Variants in GULP1 observed in about 807,000 individuals in gnomAD.
GULP1 encodes the protein PTB domain-containing engulfment adapter protein 1.
In GULP1, 19 loss-of-function variants were observed where a neutral mutation model predicts 40.9. The ratio of observed to expected loss-of-function variants is 0.46; its 90% CI spans 0.32 to 0.68. The LOEUF is 0.68. Among genes scored for constraint, GULP1 ranks in the 30% least tolerant of loss-of-function variants. The pLI is 0.03. For missense variants in GULP1, 312 were observed against 362.2 expected (o/e 0.86, Z 1.12); for synonymous variants, 119 against 117.6 (o/e 1.01, Z -0.08).
intron 4 of GULP1, among the ~76,000 whole-genome samples, chr2:188,521,651 T>C (rs1032996587): frequency 6.6e-6 from 1 of 152,128 alleles, no homozygotes; most frequent in Non-Finnish European, 1.5e-5. Flanking sequence ...GACCCACTCT[T>C]GTGACTCAAT....
At chr2:188,579,273 A>G (rs1700793335) in intron 9 of GULP1, among the ~76,000 whole-genome samples, 1 of 152,166 alleles carries the variant, frequency 6.6e-6, no homozygotes, top group South Asian at 2.1e-4. Flanking sequence ...GCAGATATTC[A>G]ATACCACTCA....
chr2:188,378,993 G>A (rs1281104102), intron 1 of GULP1, among the ~76,000 whole-genome samples: 2 of 151,726 alleles, frequency 1.3e-5, no homozygotes, highest in Non-Finnish European at 2.9e-5. Context: ...TAAGTGTTTT[G>A]TTCATACACA....
At chr2:188,560,183 A>G (rs1695876724) in intron 7 of GULP1, among the ~76,000 whole-genome samples, 1 of 152,210 alleles carries the variant, frequency 6.6e-6, no homozygotes, top group Non-Finnish European at 1.5e-5. Flanking sequence ...ATATGAGTAT[A>G]GCTTGTTAGA....
At chr2:188,469,028 TAGTC>T (rs2060363870) in intron 2 of GULP1, among the ~76,000 whole-genome samples, 1 of 152,122 alleles carries the variant, frequency 6.6e-6, no homozygotes, top group Admixed American at 6.5e-5. Context: ...CTTTAAAACA[TAGTC>T]AGCCTGTTAT....
In GULP1 at chr2:188,509,069, G is replaced by A. The variant is rs570287403; in HGVS notation, c.91-13687G>A. Among the ~76,000 whole-genome samples, 19 of 152,108 alleles carry A rather than the reference G, an allele frequency of 1.2e-4. No individual in the cohort carries two copies. In the South Asian group the frequency reaches 3.7e-3, roughly 30 times the overall value. ...TATTTGCATAGTTCCACCAAGCCAC[G>A]TCCACAGGGATCTTTAACTTTTCTG... On this transcript the variant is annotated intron_variant, in intron 4 of 11. Transcript: ENST00000409830.
chr2:188,467,164 A>G (rs1047276447), intron 2 of GULP1, among the ~76,000 whole-genome samples: 25 of 152,186 alleles, frequency 1.6e-4, no homozygotes, highest in African/African-American at 5.8e-4. Context: ...CATTATTTTC[A>G]AGAATTGGAG....
intron 7 of GULP1, among the ~76,000 whole-genome samples, chr2:188,549,505 A>G (rs1692894425): frequency 6.6e-6 from 1 of 151,858 alleles, no homozygotes; most frequent in South Asian, 2.1e-4. Flanking sequence ...GCTGGTAAGA[A>G]TGGGGAAAAA....
intron 9 of GULP1, among the ~76,000 whole-genome samples, chr2:188,572,195 C>G (rs1360011404): frequency 2.6e-5 from 4 of 152,034 alleles, no homozygotes; most frequent in Non-Finnish European, 5.9e-5. Context: ...GCTGAAATAG[C>G]CATTTCAAGT....
rs558556728 is a variant in GULP1 at position 188,564,920 on chromosome 2, A to G, written c.400-4319A>G. 1.1e-4 allele frequency among the ~76,000 whole-genome samples: 17 copies of G among 151,986 alleles called. No homozygotes were observed. The South Asian group carries it at 3.3e-3, about 30-fold the overall frequency. On this transcript the variant is annotated intron_variant, in intron 7 of 11. Transcript: ENST00000409830. ...ACATACATGGTTAATTTTTTTTCCC[A>G]CAAATGTGACAAAAAATTCAATGGA...
chr2:188,319,603 T>A (rs771601818), intron 1 of GULP1, among the ~76,000 whole-genome samples: 5 of 152,134 alleles, frequency 3.3e-5, no homozygotes, highest in Admixed American at 6.6e-5. Context: ...GCATATAAAA[T>A]AATTGTGTTA....
chr2:188,407,346 T>G (rs2152690793), intron 2 of GULP1, among the ~76,000 whole-genome samples: 1 of 152,308 alleles, frequency 6.6e-6, no homozygotes, highest in South Asian at 2.1e-4. Flanking sequence ...ATACACAGTC[T>G]AATTCAGAAT....
chr2:188,559,875 A>G (rs1695802375), intron 7 of GULP1, among the ~76,000 whole-genome samples: 3 of 152,170 alleles, frequency 2.0e-5, no homozygotes, highest in Admixed American at 2.0e-4. Flanking sequence ...ATGGTAGTGA[A>G]TAAGTCTCAT....
chr2:188,543,039 A>G (rs1487308244), intron 7 of GULP1, among the ~76,000 whole-genome samples: 2 of 152,198 alleles, frequency 1.3e-5, no homozygotes, highest in South Asian at 4.1e-4. Flanking sequence ...AAATTTGTTA[A>G]ATTAATATTT....
chr2:188,365,200 G>C (rs903402991), intron 1 of GULP1, among the ~76,000 whole-genome samples: 5 of 152,170 alleles, frequency 3.3e-5, no homozygotes, highest in Non-Finnish European at 7.3e-5. Flanking sequence ...CTTGCCAGCT[G>C]TGTGCTGGTA....
intron 1 of GULP1, among the ~76,000 whole-genome samples, chr2:188,336,922 C>A (rs1040034341): frequency 1.6e-4 from 25 of 152,226 alleles, no homozygotes; most frequent in Non-Finnish European, 2.4e-4. Context: ...TACTCTAGGG[C>A]AATCCATGAT....
At chr2:188,548,190 C>A (rs1479865658) in intron 7 of GULP1, among the ~76,000 whole-genome samples, 1 of 151,996 alleles carries the variant, frequency 6.6e-6, no homozygotes, top group Non-Finnish European at 1.5e-5. Flanking sequence ...TAAAACTGTG[C>A]TTATATGCAG....
intron 7 of GULP1, among the ~76,000 whole-genome samples, chr2:188,566,554 G>A (rs1697722068): frequency 1.3e-5 from 2 of 151,836 alleles, no homozygotes; most frequent in Admixed American, 1.3e-4. Flanking sequence ...TCGACACTTT[G>A]GGAGGCCAAG....
At chr2:188,442,683 T>C (rs1333525483) in intron 2 of GULP1, among the ~76,000 whole-genome samples, 1 of 152,194 alleles carries the variant, frequency 6.6e-6, no homozygotes, top group Non-Finnish European at 1.5e-5. Flanking sequence ...TGTTTCCTCA[T>C]CTGTAAAATT....
chr2:188,350,580 T>C (rs1452410951), intron 1 of GULP1, among the ~76,000 whole-genome samples: 2 of 152,068 alleles, frequency 1.3e-5, no homozygotes, highest in African/African-American at 2.4e-5. Context: ...TTATTGTTTT[T>C]ACTGGAATTT....
Sources: gnomAD v4.1 joint callset for allele counts (sites outside exome capture counted in the v4.1 genomes callset) on GRCh38, gnomAD v4.1.1 for gene constraint, MANE v1.5 for transcripts, NCBI Gene and HGNC (gene_info 2026-07-23, HGNC 2026-07-21) for gene names.